The following GIPC2 variants were observed in gnomAD, a reference collection of about 807,000 sequenced individuals.
GIPC2 encodes the protein GIPC PDZ domain containing family member 2.
A neutral mutation model predicts 30.6 loss-of-function variants in GIPC2; 30 were observed. The ratio of observed to expected loss-of-function variants is 0.98; its 90% CI spans 0.73 to 1.33. The LOEUF (loss-of-function observed/expected upper bound fraction) is 1.33, where lower values mean the gene tolerates loss of function less well. GIPC2 is among the 40% of genes most tolerant of loss of function. The pLI is 0.00. For missense variants in GIPC2, 414 were observed against 390.3 expected (o/e 1.06, Z -0.51); for synonymous variants, 167 against 150.0 (o/e 1.11, Z -0.83).
chr1:78,085,897 G>GTTTTTT (rs35412467), intron 2 of GIPC2, among the ~76,000 whole-genome samples: 9 of 120,308 alleles, frequency 7.5e-5, no homozygotes, highest in Non-Finnish European at 1.2e-4. Flanking sequence ...TCTTTTGAAT[G>GTTTTTT]TTTTTTTTTT....
chr1:78,073,252 C>T (rs537077057), intron 1 of GIPC2, among the ~76,000 whole-genome samples: 16 of 151,852 alleles, frequency 1.1e-4, no homozygotes, highest in East Asian at 7.8e-4. Context: ...TACAGGTGCA[C>T]GCCACCACAC....
At chr1:78,100,501 G>C (rs1008054340) in intron 3 of GIPC2, among the ~76,000 whole-genome samples, 1 of 152,186 alleles carries the variant, frequency 6.6e-6, no homozygotes, top group Non-Finnish European at 1.5e-5. Flanking sequence ...TTCAGGGAGG[G>C]AGTATGCTGT....
chr1:78,056,556 A>G (rs1661301502), intron 1 of GIPC2, among the ~76,000 whole-genome samples: 2 of 152,248 alleles, frequency 1.3e-5, no homozygotes, highest in South Asian at 2.1e-4. Context: ...CCATGTGCCC[A>G]GCTTCGACAA....
chr1:78,138,387 G>A lies in GIPC2; in HGVS notation c.*2644G>A, dbSNP rs774052378. The stretch of plus-strand genomic sequence containing the variant: ...AAAGAGAGATAATTTTTCAAATGAT[G>A]TATAATTTGCAATATTTTCCCTTGC... On this transcript the variant is annotated 3_prime_UTR_variant, in exon 6 of 6. Transcript: ENST00000370759. 36 of 152,186 alleles carry A rather than the reference G, an allele frequency of 2.4e-4. No individual in the cohort carries two copies. The highest frequency in any genetic ancestry group is 5.0e-4 in the Non-Finnish European group (34 of 68,038). The allele number at this position is 152,186 out of a possible 1,614,324, so 9.4% of individuals were successfully genotyped here. A position where few individuals can be genotyped will look rare whatever the true frequency, so the allele number is the denominator to read the frequency against.
intron 5 of GIPC2, among the ~76,000 whole-genome samples, chr1:78,130,669 C>T (rs1662877074): frequency 6.6e-6 from 1 of 152,116 alleles, no homozygotes; most frequent in South Asian, 2.1e-4. Context: ...AATCTTCAAA[C>T]CCTGCTATTT....
intron 2 of GIPC2, chr1:78,092,946 C>T (rs1662068226): frequency 6.6e-6 from 1 of 152,180 alleles, no homozygotes; most frequent in Non-Finnish European, 1.5e-5. Flanking sequence ...ATTTCTGTTA[C>T]TCTGACCTTT....
chr1:78,064,187 G>T (rs1349652617), intron 1 of GIPC2, among the ~76,000 whole-genome samples: 1 of 152,222 alleles, frequency 6.6e-6, no homozygotes, highest in East Asian at 1.9e-4. Flanking sequence ...GCAGCCCATA[G>T]AAATTCAGAA....
Position 78,136,608 on chromosome 1 carries a change from C to T in GIPC2, c.*865C>T, listed in dbSNP as rs1177059496. 22 of 101,958 alleles carry T rather than the reference C, an allele frequency of 2.2e-4. No homozygotes were observed. Among genetic ancestry groups the T allele is most frequent in the Middle Eastern group, 7.4e-3 (1 of 136 alleles). The allele number at this position is 101,958 out of a possible 1,614,324, so 6.3% of individuals were successfully genotyped here. ...TACTCAAAATAACTATGCTTTAGAA[C>T]TTTTTTTTTTTTTTTTTTTTTGGTT... On this transcript the variant is annotated 3_prime_UTR_variant, in exon 6 of 6. Coordinates refer to ENST00000370759, the MANE Select transcript of GIPC2 (RefSeq NM_017655.6).
chr1:78,069,062 G>A (rs935181514), intron 1 of GIPC2: 14 of 985,166 alleles, frequency 1.4e-5, no homozygotes, highest in Non-Finnish European at 1.6e-5. Context: ...CAAGCAGAGA[G>A]TTGGAAGAAA....
chr1:78,102,862 A>C (rs1443916469), intron 3 of GIPC2, among the ~76,000 whole-genome samples: 1 of 152,258 alleles, frequency 6.6e-6, no homozygotes, highest in Non-Finnish European at 1.5e-5. Flanking sequence ...CAGGAAAAGC[A>C]ATGTGGATGA....
intron 2 of GIPC2, 48 bp downstream of exon 2, chr1:78,080,908 A>C (rs764432237): frequency 8.8e-7 from 1 of 1,132,486 alleles, no homozygotes; most frequent in Admixed American, 2.6e-5. Flanking sequence ...ATAACATTTA[A>C]GAAAATCTAC....
chr1:78,092,814 G>A (rs1662065970), intron 2 of GIPC2: 1 of 152,230 alleles, frequency 6.6e-6, no homozygotes, highest in South Asian at 2.1e-4. Flanking sequence ...TTGCTACCTG[G>A]ATTCTCACCC....
intron 1 of GIPC2, among the ~76,000 whole-genome samples, chr1:78,057,446 T>C (rs1479148581): frequency 6.6e-6 from 1 of 152,208 alleles, no homozygotes; most frequent in Non-Finnish European, 1.5e-5. Flanking sequence ...GATTTTGATA[T>C]AGGCATGCAA....
At position 78,107,474 on chromosome 1, in the gene GIPC2, A is replaced by G. The variant is rs185223974; in HGVS notation, c.608-11919A>G. 1.4e-3 allele frequency among the ~76,000 whole-genome samples: 218 copies of G among 152,184 alleles called. 4 individuals are homozygous for G. Among genetic ancestry groups the G allele is most frequent in the African/African-American group, 5.2e-3 (214 of 41,504 alleles). ...TTTTTTCTTTAGGCTTATATTTTCC[A>G]CATTTTAAATATAAAACAAACACAT... On this transcript the variant is annotated intron_variant, in intron 3 of 5. Coordinates refer to ENST00000370759, the MANE Select transcript of GIPC2 (RefSeq NM_017655.6).
intron 2 of GIPC2, among the ~76,000 whole-genome samples, chr1:78,082,853 A>G (rs909232140): frequency 9.9e-5 from 15 of 152,220 alleles, no homozygotes; most frequent in South Asian, 4.1e-4. Flanking sequence ...GATTGCAATA[A>G]TAATACAAAG....
At chr1:78,129,818 T>C (rs1248750570) in intron 5 of GIPC2, among the ~76,000 whole-genome samples, 1 of 152,216 alleles carries the variant, frequency 6.6e-6, no homozygotes, top group African/African-American at 2.4e-5. Flanking sequence ...AAGTTGTGTA[T>C]AGAACTATAA....
At chr1:78,061,643 G>T (rs1350356284) in intron 1 of GIPC2, among the ~76,000 whole-genome samples, 2 of 86,500 alleles carry the variant, frequency 2.3e-5, no homozygotes, top group African/African-American at 5.5e-5. Flanking sequence ...TGGGACTACA[G>T]GCGTGAGCCA....
chr1:78,081,915 C>T (rs1294663522), intron 2 of GIPC2, among the ~76,000 whole-genome samples: 4 of 151,974 alleles, frequency 2.6e-5, no homozygotes, highest in Non-Finnish European at 5.9e-5. Context: ...ACATACTTAT[C>T]CCTGTTTAAC....
chr1:78,082,447 G>A (rs1162269440), intron 2 of GIPC2, among the ~76,000 whole-genome samples: 1 of 152,156 alleles, frequency 6.6e-6, no homozygotes, highest in Non-Finnish European at 1.5e-5. Flanking sequence ...CAAAAGATAT[G>A]ACTGTGCTGA....
Sources: allele counts gnomAD v4.1 joint callset (sites outside exome capture counted in the v4.1 genomes callset), GRCh38; gene constraint gnomAD v4.1.1; transcripts MANE v1.5; gene names NCBI Gene and HGNC (gene_info 2026-07-23, HGNC 2026-07-21).